CTNNA3: variants seen among roughly 807,000 people sequenced by gnomAD.
CTNNA3 encodes catenin alpha 3.
Under a neutral mutation model 95.7 loss-of-function variants are expected in CTNNA3, and 76 were observed. The observed-to-expected ratio is 0.79, with a 90% confidence interval of 0.66 to 0.96. CTNNA3 has a LOEUF of 0.96. Among genes scored for constraint, CTNNA3 ranks in the 40% least tolerant of loss-of-function variants. CTNNA3 has a pLI of 0.00. For missense variants in CTNNA3, 1,191 were observed against 1,089.8 expected (o/e 1.09, Z -1.31); for synonymous variants, 431 against 374.4 (o/e 1.15, Z -1.74).
intron 5 of CTNNA3, among the ~76,000 whole-genome samples, chr10:67,330,228 T>C (rs914326970): frequency 2.6e-5 from 4 of 152,250 alleles, no homozygotes; most frequent in African/African-American, 9.6e-5. Context: ...AACATCTCAC[T>C]GTCACATCTC....
intron 10 of CTNNA3, among the ~76,000 whole-genome samples, chr10:66,548,721 AT>A (rs1842115794): frequency 6.6e-6 from 1 of 152,132 alleles, no homozygotes; most frequent in South Asian, 2.1e-4. Flanking sequence ...TTAAAAATCA[AT>A]TACAACAATT....
At chr10:67,690,133 C>T (rs971797118) in intron 1 of CTNNA3, among the ~76,000 whole-genome samples, 5 of 152,120 alleles carry the variant, frequency 3.3e-5, no homozygotes, top group Admixed American at 1.3e-4. Flanking sequence ...CCGGTGGGTT[C>T]GTGGTCTTGC....
At position 66,927,458 on chromosome 10, in the gene CTNNA3, G is replaced by T; in HGVS notation, c.1048-151934C>A. 1 of 1,614,070 alleles carries T rather than the reference G, an allele frequency of 6.2e-7. No individual in the cohort carries two copies. Among genetic ancestry groups the T allele is most frequent in the Non-Finnish European group, 8.5e-7 (1 of 1,180,018 alleles). ...CCTGTGCGAATATTCCAAGACTGCC[G>T]CAACCTGGAACTTTTGGACCTGGGA... On this transcript the variant is annotated intron_variant, in intron 7 of 17. Coordinates refer to ENST00000433211, the MANE Select transcript of CTNNA3 (RefSeq NM_013266.4). The surrounding 1 kb of genome is among the most constrained non-coding windows in gnomAD (Gnocchi z 4.7).
chr10:67,754,783 C>T (rs577026239), intron 1 of CTNNA3, among the ~76,000 whole-genome samples: 10 of 152,096 alleles, frequency 6.6e-5, no homozygotes, highest in Non-Finnish European at 1.0e-4. Context: ...CTGCAAACTA[C>T]GTATCTGACA....
chr10:66,850,343 C>A (rs1843441499), intron 7 of CTNNA3, among the ~76,000 whole-genome samples: 3 of 152,078 alleles, frequency 2.0e-5, no homozygotes, highest in Non-Finnish European at 2.9e-5. Flanking sequence ...GCCTATGGGA[C>A]ACATAAGATT....
chr10:66,539,851 A>C (rs1440171516), intron 10 of CTNNA3, among the ~76,000 whole-genome samples: 1 of 152,192 alleles, frequency 6.6e-6, no homozygotes, highest in Non-Finnish European at 1.5e-5. Flanking sequence ...CAGAGCCTGC[A>C]TTATAGAAGA....
At chr10:67,382,376 CA>C (rs1285071176) in intron 5 of CTNNA3, among the ~76,000 whole-genome samples, 3 of 151,866 alleles carry the variant, frequency 2.0e-5, no homozygotes, top group Non-Finnish European at 2.9e-5. Context: ...TATCAATTTT[CA>C]AAAAACTTTA....
intron 13 of CTNNA3, among the ~76,000 whole-genome samples, chr10:66,278,808 G>A (rs1012549949): frequency 6.6e-6 from 1 of 152,032 alleles, no homozygotes; most frequent in Non-Finnish European, 1.5e-5. Context: ...ACTCTGGCAA[G>A]ACTATATCCT....
intron 5 of CTNNA3, among the ~76,000 whole-genome samples, chr10:67,401,653 T>C (rs1365934079): frequency 1.3e-5 from 2 of 152,170 alleles, no homozygotes; most frequent in Non-Finnish European, 2.9e-5. Flanking sequence ...TGCTAGTGAT[T>C]GGATGTGGCT....
At chr10:66,050,201 C>G (rs1364843955) in intron 15 of CTNNA3, among the ~76,000 whole-genome samples, 2 of 151,856 alleles carry the variant, frequency 1.3e-5, no homozygotes, top group Non-Finnish European at 2.9e-5. Flanking sequence ...AATGAATATT[C>G]TCCTGAACCC....
At chr10:66,162,443 C>G (rs887371600) in intron 13 of CTNNA3, among the ~76,000 whole-genome samples, 2 of 152,062 alleles carry the variant, frequency 1.3e-5, no homozygotes, top group Admixed American at 1.3e-4. Context: ...GTTGTGGCTT[C>G]CTGTGAGCCA....
intron 7 of CTNNA3, among the ~76,000 whole-genome samples, chr10:67,058,541 A>T (rs1368015996): frequency 6.6e-6 from 1 of 152,156 alleles, no homozygotes; most frequent in Non-Finnish European, 1.5e-5. Flanking sequence ...GAACTGAGTG[A>T]CTGGCCCATG....
At chr10:66,259,625 A>C (rs2090921653) in intron 13 of CTNNA3, among the ~76,000 whole-genome samples, 1 of 152,102 alleles carries the variant, frequency 6.6e-6, no homozygotes, top group South Asian at 2.1e-4. Flanking sequence ...CAAACCCTAG[A>C]TACCTAGCTC....
intron 11 of CTNNA3, among the ~76,000 whole-genome samples, chr10:66,402,006 G>T (rs1340539401): frequency 1.3e-5 from 2 of 151,860 alleles, no homozygotes; most frequent in African/African-American, 4.8e-5. Flanking sequence ...TAAATAGATA[G>T]CTCCACCGAT....
chr10:66,936,810 G>T (rs545953687), intron 7 of CTNNA3, among the ~76,000 whole-genome samples: 2 of 152,210 alleles, frequency 1.3e-5, no homozygotes, highest in East Asian at 3.9e-4. Context: ...TCAAATATCT[G>T]CTCCCAGAGT....
At chr10:67,181,025 A>G (rs1242508942) in intron 6 of CTNNA3, among the ~76,000 whole-genome samples, 1 of 152,170 alleles carries the variant, frequency 6.6e-6, no homozygotes, top group African/African-American at 2.4e-5. Context: ...TCAGCTGATG[A>G]TGAGTGAGGC....
At chr10:65,958,993 G>A (rs2077787443) in intron 17 of CTNNA3, among the ~76,000 whole-genome samples, 2 of 152,208 alleles carry the variant, frequency 1.3e-5, no homozygotes, top group African/African-American at 4.8e-5. Context: ...CCCCAGAGGT[G>A]AAGTCTACAG....
intron 7 of CTNNA3, among the ~76,000 whole-genome samples, chr10:66,799,428 T>C (rs745771074): frequency 2.0e-5 from 3 of 151,628 alleles, no homozygotes; most frequent in Non-Finnish European, 4.4e-5. Context: ...ATTTATGAGA[T>C]AGATATTTTA....
At chr10:67,686,018 T>C in intron 1 of CTNNA3, among the ~76,000 whole-genome samples, 1 of 152,192 alleles carries the variant, frequency 6.6e-6, no homozygotes, top group East Asian at 1.9e-4. Context: ...TCTCTGGTGG[T>C]TTTGGCAGTC....
Sources: allele counts gnomAD v4.1 joint callset (sites outside exome capture counted in the v4.1 genomes callset), GRCh38; gene constraint gnomAD v4.1.1; non-coding constraint Gnocchi (gnomAD v3.1); transcripts MANE v1.5; gene names NCBI Gene and HGNC (gene_info 2026-07-23, HGNC 2026-07-21).